PDE1C: variants seen among roughly 807,000 people sequenced by gnomAD.
PDE1C encodes dual specificity calcium/calmodulin-dependent 3',5'-cyclic nucleotide phosphodiesterase 1C.
A neutral mutation model predicts 93.1 loss-of-function variants in PDE1C; 62 were observed. That is an observed-to-expected ratio of 0.67 (90% CI 0.54 to 0.82). The LOEUF is 0.82. Ranked by LOEUF, PDE1C falls within the 40% of genes least tolerant of loss-of-function variation. The probability of loss-of-function intolerance (pLI) is 0.00; values close to 1 mark genes in which losing one functional copy is unlikely to be tolerated. For synonymous variants in PDE1C, 325 were observed against 310.1 expected (o/e 1.05, Z -0.50); for missense variants, 742 against 884.6 (o/e 0.84, Z 2.04).
the PDE1C span, among the ~76,000 whole-genome samples, chr7:31,690,931 ACT>A: frequency 6.6e-6 from 1 of 152,082 alleles, no homozygotes; most frequent in Non-Finnish European, 1.5e-5. Flanking sequence ...TGGGCCCATG[ACT>A]CTGCCTGAAG....
intron 3 of PDE1C, among the ~76,000 whole-genome samples, chr7:32,122,329 G>C (rs1309849195): frequency 6.6e-6 from 1 of 152,092 alleles, no homozygotes; most frequent in Admixed American, 6.6e-5. Flanking sequence ...AATTAACAAG[G>C]ATATTCAAGA....
At chr7:31,796,607 G>A (rs764292852) in intron 16 of PDE1C, among the ~76,000 whole-genome samples, 1 of 151,672 alleles carries the variant, frequency 6.6e-6, no homozygotes, top group South Asian at 2.1e-4. Flanking sequence ...GGTTTTGTAC[G>A]TCCATGCTCC....
chr7:31,999,527 G>T (rs1034124051), intron 2 of PDE1C, among the ~76,000 whole-genome samples: 2 of 152,132 alleles, frequency 1.3e-5, no homozygotes, highest in Admixed American at 6.5e-5. Flanking sequence ...CCAGCTCTCT[G>T]ACCCTGAAGC....
At chr7:32,096,663 T>C (rs912830669) in intron 3 of PDE1C, among the ~76,000 whole-genome samples, 1 of 152,218 alleles carries the variant, frequency 6.6e-6, no homozygotes, top group Non-Finnish European at 1.5e-5. Context: ...TGTGTTTCTA[T>C]GGCATGGAAA....
chr7:31,902,862 G>T (rs927522648), intron 2 of PDE1C, among the ~76,000 whole-genome samples: 2 of 151,492 alleles, frequency 1.3e-5, no homozygotes, highest in Admixed American at 1.3e-4. Context: ...TGAGTGAAAT[G>T]GGTAGGTACA....
At chr7:31,923,924 A>C (rs10487740) in intron 2 of PDE1C, among the ~76,000 whole-genome samples, 2 of 152,178 alleles carry the variant, frequency 1.3e-5, no homozygotes, top group African/African-American at 4.8e-5. Flanking sequence ...TCCTCTAGAC[A>C]TAGGTGTTAT....
At chr7:32,000,747 G>A (rs1332992825) in intron 2 of PDE1C, among the ~76,000 whole-genome samples, 1 of 152,140 alleles carries the variant, frequency 6.6e-6, no homozygotes, top group Non-Finnish European at 1.5e-5. Flanking sequence ...TCTCTGCCGG[G>A]GATGTCTGGT....
At chr7:32,321,042 C>T (rs1783281608) in intron 1 of PDE1C, among the ~76,000 whole-genome samples, 1 of 152,222 alleles carries the variant, frequency 6.6e-6, no homozygotes, top group African/African-American at 2.4e-5. Flanking sequence ...ACAATCCAAT[C>T]CTGATCCCTG....
chr7:31,637,620 T>C, the PDE1C span, among the ~76,000 whole-genome samples: 1 of 152,196 alleles, frequency 6.6e-6, no homozygotes, highest in Non-Finnish European at 1.5e-5. Context: ...GAGTTCATTG[T>C]AGATTCTGGA....
intron 1 of PDE1C, among the ~76,000 whole-genome samples, chr7:32,405,492 C>A (rs530863090): frequency 2.6e-5 from 4 of 152,184 alleles, no homozygotes; most frequent in Non-Finnish European, 5.9e-5. Context: ...CTCAGGTGAT[C>A]TGCCCACCTC....
chr7:31,745,763 T>C, the PDE1C span, among the ~76,000 whole-genome samples: 1 of 152,232 alleles, frequency 6.6e-6, no homozygotes, highest in African/African-American at 2.4e-5. Context: ...AAGTAATAGA[T>C]GTCACTTCAT....
At chr7:32,033,715 C>G (rs1273719030) in intron 2 of PDE1C, among the ~76,000 whole-genome samples, 1 of 152,112 alleles carries the variant, frequency 6.6e-6, no homozygotes, top group East Asian at 1.9e-4. Context: ...GAGAAATTGT[C>G]ATGGCTTGCT....
chr7:32,156,065 C>G (rs1801554853), intron 3 of PDE1C, among the ~76,000 whole-genome samples: 1 of 152,198 alleles, frequency 6.6e-6, no homozygotes, highest in Non-Finnish European at 1.5e-5. Context: ...TCTGCAATTT[C>G]CTATACTTCC....
At chr7:32,110,319 G>C (rs535978836) in intron 3 of PDE1C, among the ~76,000 whole-genome samples, 4 of 152,192 alleles carry the variant, frequency 2.6e-5, no homozygotes, top group Admixed American at 1.3e-4. Flanking sequence ...TTAGGCCTTG[G>C]CTGGTGGCCT....
chr7:32,043,987 T>C (rs1213780441), intron 2 of PDE1C, among the ~76,000 whole-genome samples: 2 of 152,120 alleles, frequency 1.3e-5, no homozygotes, highest in African/African-American at 4.8e-5. Flanking sequence ...ATGATAGAAA[T>C]ATATGAAGGA....
intron 1 of PDE1C, among the ~76,000 whole-genome samples, chr7:32,319,685 A>G (rs1270933044): frequency 6.6e-6 from 1 of 152,262 alleles, no homozygotes. Flanking sequence ...TCAAGGTCAC[A>G]GAGCTCAGAA....
At chr7:31,656,032 A>T in the PDE1C span, 1 of 983,848 alleles carries the variant, frequency 1.0e-6, no homozygotes, top group Non-Finnish European at 1.2e-6. Context: ...GAAGTATCTC[A>T]CCAGTAAGTC....
At chr7:31,741,009 C>A in the PDE1C span, among the ~76,000 whole-genome samples, 4 of 150,940 alleles carry the variant, frequency 2.7e-5, no homozygotes, top group African/African-American at 9.8e-5. Flanking sequence ...TTTGAGGCTG[C>A]AGTGATCATG....
chr7:32,014,628 A>T (rs992941224), intron 2 of PDE1C, among the ~76,000 whole-genome samples: 1 of 152,042 alleles, frequency 6.6e-6, no homozygotes, highest in Non-Finnish European at 1.5e-5. Context: ...ACCTTCCGAC[A>T]GGCCCCAGTA....
Sources: gnomAD v4.1 joint callset for allele counts (sites outside exome capture counted in the v4.1 genomes callset) on GRCh38, gnomAD v4.1.1 for gene constraint, MANE v1.5 for transcripts, NCBI Gene and HGNC (gene_info 2026-07-23, HGNC 2026-07-21) for gene names.